EYS: variants seen among roughly 807,000 people sequenced by gnomAD.
EYS encodes protein eyes shut homolog.
A neutral mutation model predicts 282.1 loss-of-function variants in EYS; 250 were observed. The ratio of observed to expected loss-of-function variants is 0.89; its 90% CI spans 0.80 to 0.98. The LOEUF (loss-of-function observed/expected upper bound fraction) is 0.98. Ranked by LOEUF, EYS falls within the 50% of genes least tolerant of loss-of-function variation. The pLI, the probability that EYS is intolerant of heterozygous loss-of-function variation, is 0.00. For missense variants in EYS, 4,016 were observed against 3,709.0 expected (o/e 1.08, Z -2.15); for synonymous variants, 1,355 against 1,282.9 (o/e 1.06, Z -1.20).
At chr6:64,194,682 T>C (rs938325141) in intron 31 of EYS, among the ~76,000 whole-genome samples, 1 of 152,184 alleles carries the variant, frequency 6.6e-6, no homozygotes, top group Admixed American at 6.5e-5. Context: ...GGGATATTTC[T>C]TGTGATTAGC....
At chr6:63,993,232 C>T (rs187227252) in intron 34 of EYS, among the ~76,000 whole-genome samples, 16 of 151,690 alleles carry the variant, frequency 1.1e-4, no homozygotes, top group African/African-American at 3.1e-4. Context: ...AAAGCTTTTC[C>T]TTCAAGTTGA....
intron 32 of EYS, among the ~76,000 whole-genome samples, chr6:64,071,585 A>G (rs765627389): frequency 0.1 from 15,438 of 150,612 alleles, 1,426 homozygotes; most frequent in African/African-American, 0.25. Context: ...AAAATCAGCT[A>G]AATCTTAAAG....
intron 19 of EYS, among the ~76,000 whole-genome samples, chr6:64,855,084 T>G (rs1475541280): frequency 6.6e-6 from 1 of 152,068 alleles, no homozygotes; most frequent in Non-Finnish European, 1.5e-5. Flanking sequence ...CTGTCTGCCT[T>G]CAAGATTATC....
intron 26 of EYS, among the ~76,000 whole-genome samples, chr6:64,558,232 T>A (rs970312760): frequency 5.3e-5 from 8 of 151,672 alleles, no homozygotes; most frequent in Non-Finnish European, 1.2e-4. Flanking sequence ...ATTTTAATCA[T>A]GAGCATTCTG....
intron 19 of EYS, among the ~76,000 whole-genome samples, chr6:64,829,650 T>G (rs1765157239): frequency 6.6e-6 from 1 of 151,948 alleles, no homozygotes; most frequent in African/African-American, 2.4e-5. Context: ...TAGGTGTAAC[T>G]GAGGTGCCAG....
intron 14 of EYS, 91 bp from the exon 15 acceptor site, chr6:64,946,005 G>A: frequency 1.0e-6 from 1 of 994,754 alleles, no homozygotes; most frequent in South Asian, 2.6e-5. Flanking sequence ...TGATATCTCT[G>A]TCAATTTATA....
intron 35 of EYS, among the ~76,000 whole-genome samples, chr6:63,971,507 T>A (rs2149783766): frequency 6.6e-6 from 1 of 152,312 alleles, no homozygotes; most frequent in South Asian, 2.1e-4. Flanking sequence ...ATTAGACAGG[T>A]CTTGGTGATC....
intron 28 of EYS, among the ~76,000 whole-genome samples, chr6:64,414,489 G>T (rs1213008981): frequency 1.3e-5 from 2 of 152,042 alleles, no homozygotes; most frequent in African/African-American, 4.8e-5. Flanking sequence ...AAATAAGTAA[G>T]AGAAAATAAG....
intron 16 of EYS, among the ~76,000 whole-genome samples, chr6:64,905,374 C>T (rs1277904811): frequency 6.6e-6 from 1 of 152,154 alleles, no homozygotes; most frequent in Non-Finnish European, 1.5e-5. Flanking sequence ...TAATTTTATG[C>T]TGTTCCCCTG....
chr6:64,469,879 G>C (rs571150250), intron 26 of EYS, among the ~76,000 whole-genome samples: 1 of 152,224 alleles, frequency 6.6e-6, no homozygotes, highest in East Asian at 1.9e-4. Flanking sequence ...TGTACACCTG[G>C]CTCTGCCTTT....
Position 64,159,538 on chromosome 6 carries a change from C to G in EYS, c.6424+71054G>C, listed in dbSNP as rs193055173. On this transcript the variant is annotated intron_variant, in intron 31 of 42. Transcript: ENST00000503581. The stretch of plus-strand genomic sequence containing the variant: ...TCGCACCACTGCACTCCAGCCTGGG[C>G]GACAGAGCGAGACTCTGTCTTAAAA... Among the ~76,000 whole-genome samples, 159 of 116,648 alleles carry G rather than the reference C, an allele frequency of 1.4e-3. 1 individual carries two copies. Among genetic ancestry groups the G allele is most frequent in the African/African-American group, 5.1e-3 (154 of 30,472 alleles). The allele number at this position is 116,648 out of a possible 152,430, so 76.5% of individuals were successfully genotyped here.
chr6:64,263,356 TTTC>T (rs1201373504), intron 30 of EYS, among the ~76,000 whole-genome samples: 2 of 152,108 alleles, frequency 1.3e-5, no homozygotes, highest in Non-Finnish European at 2.9e-5. Context: ...ATTGAAATCT[TTTC>T]TTATCTTACC....
Position 65,575,123 on chromosome 6 carries a change from C to A in EYS, c.-333+64655G>T, listed in dbSNP as rs374413166. On this transcript the variant is annotated intron_variant, in intron 2 of 42. Transcript: ENST00000503581. ...ATCACTTGAGGTCAGGAGTTCGAGA[C>A]CAGCCTGGTCAACATAGTGGAACCT... is the stretch of plus-strand genomic sequence containing the variant. Among the ~76,000 whole-genome samples, 4 of 152,054 alleles carry A rather than the reference C, an allele frequency of 2.6e-5. No homozygotes were observed. The East Asian group carries it at 7.8e-4, about 30-fold the overall frequency.
At chr6:65,585,298 C>T (rs1215322047) in intron 2 of EYS, among the ~76,000 whole-genome samples, 1 of 151,836 alleles carries the variant, frequency 6.6e-6, no homozygotes, top group African/African-American at 2.4e-5. Context: ...CTAATGTATT[C>T]ATCTCTGACA....
chr6:64,019,489 C>T lies in EYS; in HGVS notation c.6726-20306G>A, dbSNP rs546817743. On this transcript the variant is annotated intron_variant, in intron 33 of 42. Coordinates refer to ENST00000503581, the MANE Select transcript of EYS (RefSeq NM_001142800.2). ...TGAGTGGCGTGATCTCAGCTTGCTA[C>T]AACCCCTGTCTCCTGGATTCAAGTG... Among the ~76,000 whole-genome samples, 13 of 151,938 alleles carry T rather than the reference C, an allele frequency of 8.6e-5. 1 individual carries two copies. In the South Asian group the frequency reaches 2.7e-3, roughly 32 times the overall value.
chr6:63,784,682 T>C (rs1259680079), intron 39 of EYS, among the ~76,000 whole-genome samples: 1 of 151,578 alleles, frequency 6.6e-6, no homozygotes, highest in Non-Finnish European at 1.5e-5. Flanking sequence ...AAGGGGGAAA[T>C]CTACCCCCAT....
chr6:65,517,661 T>C lies in EYS; in HGVS notation c.-332-21668A>G, dbSNP rs536065540. ...TAAAGTAAAATAACTTAAATAAAAT[T>C]TACACTTGGAAATTAACATTTAAGA... On this transcript the variant is annotated intron_variant, in intron 2 of 42. Transcript: ENST00000503581. 3.3e-5 allele frequency among the ~76,000 whole-genome samples: 5 copies of C among 152,002 alleles called. No homozygotes were observed. In the South Asian group the frequency reaches 1.0e-3, roughly 32 times the overall value.
chr6:65,180,808 A>C (rs1293706654), intron 12 of EYS, among the ~76,000 whole-genome samples: 11 of 152,170 alleles, frequency 7.2e-5, no homozygotes, highest in Non-Finnish European at 5.9e-5. Flanking sequence ...TTCAAACTAT[A>C]CTACAAGGCT....
chr6:64,821,586 T>C, intron 21 of EYS, 59 bp downstream of exon 21: 1 of 891,806 alleles, frequency 1.1e-6, no homozygotes, highest in Non-Finnish European at 1.7e-6. Context: ...GCAAGCAATT[T>C]GATTTTTCTT....
Sources: allele counts gnomAD v4.1 joint callset (sites outside exome capture counted in the v4.1 genomes callset), GRCh38; gene constraint gnomAD v4.1.1; transcripts MANE v1.5; gene names NCBI Gene and HGNC (gene_info 2026-07-23, HGNC 2026-07-21).